PBLD: variants seen among roughly 807,000 people sequenced by gnomAD.
PBLD encodes phenazine biosynthesis-like domain-containing protein.
A neutral mutation model predicts 31.3 loss-of-function variants in PBLD; 26 were observed. The observed-to-expected ratio is 0.83, with a 90% confidence interval of 0.61 to 1.15. The LOEUF is 1.15. Ranked by LOEUF, PBLD falls within the 50% of genes most tolerant of loss-of-function variation. The probability of loss-of-function intolerance (pLI) is 0.00; values close to 1 mark genes in which losing one functional copy is unlikely to be tolerated. For missense variants in PBLD, 307 were observed against 351.7 expected (o/e 0.87, Z 1.02); for synonymous variants, 114 against 129.0 (o/e 0.88, Z 0.79).
rs536810616 is a variant in PBLD at position 68,282,750 on chromosome 10, T to G, written c.*1427A>C. 1 of 152,262 alleles carries G rather than the reference T, an allele frequency of 6.6e-6. No individual in the cohort carries two copies. The highest frequency in any genetic ancestry group is 1.9e-4 in the East Asian group (1 of 5,178). 9.4% of individuals were successfully genotyped at this position (152,262 alleles called of 1,614,324 possible). On this transcript the variant is annotated 3_prime_UTR_variant, in exon 10 of 10. Transcript: ENST00000358769. ...TCTTACATGCTTTAGCAAAAATCAG[T>G]AAAAATAGAAAACATGGTAACAATT...
At position 68,292,207 on chromosome 10, in the gene PBLD, AG is replaced by A. The variant is rs770733746; in HGVS notation, c.314del (p.Thr105IlefsTer2). Reference sequence around the variant, plus strand: ...GTCTGGCCCTTAGTTCTCCACTCAGAGTGACAAACGTGAGCGTGCTATTCAT... The same window carrying A: ...GTCTGGCCCTTAGTTCTCCACTCAGATGACAAACGTGAGCGTGCTATTCAT... ...KNMNSTLTFV[T>X]LSGELRARRA... is the part of the protein sequence containing the mutation. On this transcript the variant is annotated frameshift_variant, in exon 5 of 10. Coordinates refer to ENST00000358769, the MANE Select transcript of PBLD (RefSeq NM_022129.4). LOFTEE classifies it high-confidence loss of function. 1.4e-5 allele frequency: 23 copies of A among 1,613,638 alleles called. No individual in the cohort carries two copies. The highest frequency in any genetic ancestry group is 1.7e-5 in the Non-Finnish European group (20 of 1,180,038).
intron 9 of PBLD, chr10:68,285,012 C>T (rs773634192): frequency 4.8e-5 from 55 of 1,153,802 alleles, no homozygotes; most frequent in Non-Finnish European, 5.8e-5. Context: ...CTGTGACTAG[C>T]AATAGCAGTA....
chr10:68,327,673 CAAA>C (rs35759039), intron 1 of PBLD, among the ~76,000 whole-genome samples: 1 of 68,830 alleles, frequency 1.5e-5, no homozygotes, highest in Non-Finnish European at 2.7e-5. Context: ...GACTCCACCT[CAAA>C]AAAAAAAAAA....
At chr10:68,323,245 C>G (rs2044862649) in intron 1 of PBLD, among the ~76,000 whole-genome samples, 1 of 151,820 alleles carries the variant, frequency 6.6e-6, no homozygotes, top group Admixed American at 6.6e-5. Flanking sequence ...GAAGCTCCAG[C>G]TGACATTTTA....
intron 1 of PBLD, among the ~76,000 whole-genome samples, chr10:68,323,595 T>C (rs1401893943): frequency 1.3e-5 from 2 of 152,136 alleles, no homozygotes; most frequent in Non-Finnish European, 2.9e-5. Flanking sequence ...GCTAGAAGCA[T>C]CCAGCTAAGC....
chr10:68,293,077 T>A (rs1213860002), intron 4 of PBLD, among the ~76,000 whole-genome samples: 2 of 152,160 alleles, frequency 1.3e-5, no homozygotes, highest in East Asian at 3.8e-4. Flanking sequence ...CTCAGGCTGG[T>A]CTCTAAGTTC....
chr10:68,291,705 C>T (rs536543679), intron 6 of PBLD, among the ~76,000 whole-genome samples: 32 of 152,278 alleles, frequency 2.1e-4, no homozygotes, highest in African/African-American at 7.5e-4. Flanking sequence ...CAGAAACTTA[C>T]ATTTCCTTAA....
intron 1 of PBLD, among the ~76,000 whole-genome samples, chr10:68,314,835 G>A (rs2044715746): frequency 6.6e-6 from 1 of 151,932 alleles, no homozygotes; most frequent in African/African-American, 2.4e-5. Context: ...TGTTGCCCAG[G>A]ATGGAGTGCA....
intron 1 of PBLD, among the ~76,000 whole-genome samples, chr10:68,320,688 ATT>A (rs1049529201): frequency 6.7e-6 from 1 of 149,908 alleles, no homozygotes; most frequent in Non-Finnish European, 1.5e-5. Context: ...TTTTATTTTA[ATT>A]TTTTTTTAAT....
Position 68,289,993 on chromosome 10 carries a change from CCTGGTT to C in PBLD, c.424-980_424-975del, listed in dbSNP as rs566069586. 1.2e-4 allele frequency among the ~76,000 whole-genome samples: 19 copies of C among 152,168 alleles called. No homozygotes were observed. In the South Asian group the frequency reaches 3.7e-3, roughly 30 times the overall value. On this transcript the variant is annotated intron_variant, in intron 6 of 9. Coordinates refer to ENST00000358769, the MANE Select transcript of PBLD (RefSeq NM_022129.4). ...ATAACATAACATGTTCTCAAGATAC[CCTGGTT>C]CACTCTACCTGACTGCACATAATCT...
intron 8 of PBLD, among the ~76,000 whole-genome samples, chr10:68,286,085 CTTTTTT>C (rs71009034): frequency 7.5e-4 from 78 of 103,442 alleles, no homozygotes; most frequent in African/African-American, 2.6e-3. Context: ...TTGAATAATT[CTTTTTT>C]TTTTTTTTTT....
At chr10:68,318,978 G>A (rs981861019) in intron 1 of PBLD, among the ~76,000 whole-genome samples, 1 of 148,672 alleles carries the variant, frequency 6.7e-6, no homozygotes, top group Non-Finnish European at 1.5e-5. Context: ...CAGGCAAGAA[G>A]GAAGGAAGTT....
chr10:68,328,350 A>G (rs2044956480), intron 1 of PBLD, among the ~76,000 whole-genome samples: 1 of 152,154 alleles, frequency 6.6e-6, no homozygotes, highest in South Asian at 2.1e-4. Context: ...TTTTTCGTTA[A>G]TGTGCCTTCC....
chr10:68,298,271 G>A (rs530025430), intron 2 of PBLD, among the ~76,000 whole-genome samples: 1 of 151,890 alleles, frequency 6.6e-6, no homozygotes, highest in East Asian at 1.9e-4. Flanking sequence ...AAAAAGAAAA[G>A]AAAAAAGAAA....
At chr10:68,291,719 A>G (rs1053942979) in intron 6 of PBLD, among the ~76,000 whole-genome samples, 13 of 152,090 alleles carry the variant, frequency 8.5e-5, no homozygotes, top group African/African-American at 2.9e-4. Flanking sequence ...TCCTTAAGAC[A>G]TCCTATTCTC....
intron 1 of PBLD, among the ~76,000 whole-genome samples, chr10:68,312,114 T>A (rs1352489725): frequency 1.3e-5 from 2 of 152,260 alleles, no homozygotes; most frequent in African/African-American, 4.8e-5. Flanking sequence ...ACAGTTAGGT[T>A]GATTCCACAT....
At chr10:68,293,752 T>C (rs1482333939) in intron 4 of PBLD, among the ~76,000 whole-genome samples, 3 of 151,912 alleles carry the variant, frequency 2.0e-5, no homozygotes, top group Non-Finnish European at 4.4e-5. Context: ...AGGCGGGTGG[T>C]TCACCCGAAG....
intron 1 of PBLD, 86 bp from the exon 2 acceptor site, chr10:68,306,989 T>C: frequency 3.3e-6 from 2 of 597,418 alleles, no homozygotes; most frequent in South Asian, 4.4e-5. Flanking sequence ...GTCAAGCAAT[T>C]ATTCAAAGAT....
At chr10:68,319,069 A>AAGAG (rs1491249278) in intron 1 of PBLD, among the ~76,000 whole-genome samples, 1 of 125,612 alleles carries the variant, frequency 8.0e-6, no homozygotes, top group African/African-American at 3.4e-5. Flanking sequence ...GAAAGAAAGA[A>AAGAG]AGAAAGAAAG....
Sources: allele counts gnomAD v4.1 joint callset (sites outside exome capture counted in the v4.1 genomes callset), GRCh38; gene constraint gnomAD v4.1.1; transcripts MANE v1.5; gene names NCBI Gene and HGNC (gene_info 2026-07-23, HGNC 2026-07-21).